ARFGEF3: variants seen among roughly 807,000 people sequenced by gnomAD.
The protein encoded by ARFGEF3 is brefeldin A-inhibited guanine nucleotide-exchange protein 3.
ARFGEF3 carries 96 observed loss-of-function variants against 221.7 expected under a neutral mutation model. That is an observed-to-expected ratio of 0.43 (90% confidence interval 0.37 to 0.51). ARFGEF3 has a LOEUF of 0.51. Ranked by LOEUF, ARFGEF3 falls within the 20% of genes least tolerant of loss-of-function variation. The pLI is 0.00. For missense variants in ARFGEF3, 2,410 were observed against 2,789.9 expected (o/e 0.86, Z 3.07); for synonymous variants, 1,145 against 1,126.8 (o/e 1.02, Z -0.32).
intron 24 of ARFGEF3, among the ~76,000 whole-genome samples, chr6:138,309,889 G>A (rs1208393370): frequency 1.3e-5 from 2 of 152,152 alleles, no homozygotes; most frequent in East Asian, 3.8e-4. Flanking sequence ...GGGTGAGGGT[G>A]GAGCTCCCTT....
In ARFGEF3 at chr6:138,202,904, C is replaced by A. The variant is rs111667188; in HGVS notation, c.138-4138C>A. Reference sequence around the variant, plus strand: ...CACACACACACACATGCACACACACCCACACACACACACACACATAGCTAC... The same window carrying A: ...CACACACACACACATGCACACACACACACACACACACACACACATAGCTAC... On this transcript the variant is annotated intron_variant, in intron 2 of 33. Transcript: ENST00000251691. Among the ~76,000 whole-genome samples the A allele has an allele frequency of 6.0e-5, 9 of 148,784 alleles. No individual in the cohort carries two copies. The East Asian group carries it at 7.8e-4, about 13-fold the overall frequency.
intron 17 of ARFGEF3, among the ~76,000 whole-genome samples, chr6:138,288,491 C>T (rs146344517): frequency 6.6e-6 from 1 of 152,066 alleles, no homozygotes; most frequent in East Asian, 1.9e-4. Context: ...TGAGACCAGC[C>T]TGGCCAACAT....
intron 2 of ARFGEF3, among the ~76,000 whole-genome samples, chr6:138,205,871 G>A (rs1207615097): frequency 1.3e-5 from 2 of 152,170 alleles, no homozygotes; most frequent in South Asian, 4.1e-4. Context: ...TGTGACTCTC[G>A]CTTCATCGGT....
In ARFGEF3 at chr6:138,263,118, G is replaced by A; in HGVS notation, c.1635G>A (p.Lys545=). The A allele has an allele frequency of 4.3e-6, 7 of 1,614,012 alleles. No individual in the cohort carries two copies. The highest frequency in any genetic ancestry group is 5.9e-6 in the Non-Finnish European group (7 of 1,179,896). The change falls in exon 12 of 34, where the codon AAG becomes AAA. Residue 545 remains lysine, a synonymous_variant. Coordinates refer to ENST00000251691, the MANE Select transcript of ARFGEF3 (RefSeq NM_020340.5). ...AGTCGCCAGCCATCCCAGAGGGTAA[G>A]GAGACGCTGAGCAAAGTATTGGAAA... ...SLKSPAIPEG[K]ETLSKVLETE...
intron 2 of ARFGEF3, among the ~76,000 whole-genome samples, chr6:138,185,505 A>G (rs1484306090): frequency 6.6e-6 from 1 of 152,192 alleles, no homozygotes; most frequent in African/African-American, 2.4e-5. Flanking sequence ...AACCAATCTG[A>G]AGAGCTGCTG....
intron 1 of ARFGEF3, among the ~76,000 whole-genome samples, chr6:138,169,933 G>A (rs910944612): frequency 1.3e-5 from 2 of 152,192 alleles, no homozygotes; most frequent in Non-Finnish European, 2.9e-5. Context: ...CAGATAGACA[G>A]GGCTTGTTGA....
intron 1 of ARFGEF3, among the ~76,000 whole-genome samples, chr6:138,163,401 C>G (rs973535721): frequency 6.6e-6 from 1 of 152,128 alleles, no homozygotes; most frequent in African/African-American, 2.4e-5. Flanking sequence ...GCTCTTAAAG[C>G]CACAGTACTA....
At chr6:138,333,012 A>G (rs1307471007) in intron 32 of ARFGEF3, among the ~76,000 whole-genome samples, 1 of 152,258 alleles carries the variant, frequency 6.6e-6, no homozygotes, top group Non-Finnish European at 1.5e-5. Context: ...TGTTATTAAC[A>G]TCATGGCTAG....
intron 4 of ARFGEF3, among the ~76,000 whole-genome samples, chr6:138,223,158 C>T (rs549921988): frequency 6.6e-6 from 1 of 152,324 alleles, no homozygotes; most frequent in East Asian, 1.9e-4. Context: ...GAAGGCAGCA[C>T]ACCCTTCACC....
intron 12 of ARFGEF3, among the ~76,000 whole-genome samples, chr6:138,263,917 T>C (rs182038055): frequency 8.8e-4 from 134 of 152,332 alleles, no homozygotes; most frequent in African/African-American, 3.0e-3. Context: ...CAATCTGTAA[T>C]TCTTAAAACA....
At position 138,335,794 on chromosome 6, in the gene ARFGEF3, A is replaced by AT. The variant is rs139727794; in HGVS notation, c.6343-499dup. On this transcript the variant is annotated intron_variant, in intron 33 of 33. Transcript: ENST00000251691. ...TGAAGAAATTCTGTAGTTATGAAGC[A>AT]TTATATAAAAGAAAAAAGCAAAGTA... Among the ~76,000 whole-genome samples the AT allele has an allele frequency of 3.4e-4, 52 of 152,368 alleles. No individual in the cohort carries two copies. In the East Asian group the frequency reaches 8.1e-3, roughly 24 times the overall value.
chr6:138,198,681 G>C (rs1204522330), intron 2 of ARFGEF3, among the ~76,000 whole-genome samples: 1 of 143,294 alleles, frequency 7.0e-6, no homozygotes, highest in Non-Finnish European at 1.5e-5. Context: ...TCAGCAGCTA[G>C]TTCCAAAGCC....
chr6:138,239,536 C>T (rs1386186965), intron 6 of ARFGEF3, among the ~76,000 whole-genome samples: 1 of 151,480 alleles, frequency 6.6e-6, no homozygotes, highest in Non-Finnish European at 1.5e-5. Flanking sequence ...GTAATCCCAG[C>T]TACTTGGGAG....
chr6:138,227,597 G>A (rs1304118891), intron 4 of ARFGEF3, among the ~76,000 whole-genome samples: 2 of 152,116 alleles, frequency 1.3e-5, no homozygotes, highest in African/African-American at 4.8e-5. Flanking sequence ...GGGACCAAGT[G>A]GCCTCTGCTG....
At chr6:138,296,268 A>G (rs771791115) in intron 20 of ARFGEF3, among the ~76,000 whole-genome samples, 17 of 152,210 alleles carry the variant, frequency 1.1e-4, no homozygotes, top group African/African-American at 3.6e-4. Context: ...GGATTGGCAA[A>G]GTAGATGATG....
intron 26 of ARFGEF3, among the ~76,000 whole-genome samples, chr6:138,316,896 A>AT (rs1779935918): frequency 6.6e-6 from 1 of 152,202 alleles, no homozygotes; most frequent in African/African-American, 2.4e-5. Flanking sequence ...CAATAAAATC[A>AT]TTTTTTAAAA....
intron 12 of ARFGEF3, among the ~76,000 whole-genome samples, chr6:138,275,659 G>A (rs1296797193): frequency 6.6e-6 from 1 of 151,766 alleles, no homozygotes; most frequent in Non-Finnish European, 1.5e-5. Context: ...CAGGAGAATT[G>A]CTTGAACCCG....
Position 138,336,671 on chromosome 6 carries a change from G to T in ARFGEF3, c.*185G>T, listed in dbSNP as rs919527182. Reference sequence around the variant, plus strand: ...CAGCATTGGGGCCATACTAAGGTTTGTATCTAGATGACACAAACGATATTC... The same window carrying T: ...CAGCATTGGGGCCATACTAAGGTTTTTATCTAGATGACACAAACGATATTC... On this transcript the variant is annotated 3_prime_UTR_variant, in exon 34 of 34. Transcript: ENST00000251691. The T allele has an allele frequency of 2.3e-6, 1 of 431,474 alleles. No homozygotes were observed. The highest frequency in any genetic ancestry group is 4.1e-6 in the Non-Finnish European group (1 of 245,564). 26.7% of individuals were successfully genotyped at this position (431,474 alleles called of 1,614,324 possible). A position where few individuals can be genotyped will look rare whatever the true frequency, so the allele number is the denominator to read the frequency against.
At chr6:138,295,935 CAG>C (rs1779503777) in intron 20 of ARFGEF3, among the ~76,000 whole-genome samples, 1 of 152,130 alleles carries the variant, frequency 6.6e-6, no homozygotes, top group African/African-American at 2.4e-5. Context: ...ATATATGAAA[CAG>C]AAATGAATTT....
Sources: gnomAD v4.1 joint callset for allele counts (sites outside exome capture counted in the v4.1 genomes callset) on GRCh38, gnomAD v4.1.1 for gene constraint, MANE v1.5 for transcripts, NCBI Gene and HGNC (gene_info 2026-07-23, HGNC 2026-07-21) for gene names.